Variants in MIS18A observed in about 807,000 individuals in gnomAD.
The protein encoded by MIS18A is protein Mis18-alpha.
MIS18A carries 14 observed loss-of-function variants against 25.0 expected under a neutral mutation model. The observed-to-expected ratio is 0.56, with a 90% CI of 0.37 to 0.88. The LOEUF is 0.88. MIS18A is among the 40% of genes least tolerant of loss of function. The probability of loss-of-function intolerance (pLI) is 0.00; values close to 1 mark genes in which losing one functional copy is unlikely to be tolerated. For synonymous variants in MIS18A, 134 were observed against 118.6 expected (o/e 1.13, Z -0.84); for missense variants, 292 against 290.8 (o/e 1.00, Z -0.03).
chr21:32,233,998 G>C, the MIS18A span, among the ~76,000 whole-genome samples: 80 of 152,296 alleles, frequency 5.3e-4, no homozygotes, highest in African/African-American at 1.8e-3. Context: ...ATGTAATGCA[G>C]TGCCCTGGAT....
At chr21:32,168,489 C>G in the MIS18A span, among the ~76,000 whole-genome samples, 4 of 152,040 alleles carry the variant, frequency 2.6e-5, no homozygotes, top group African/African-American at 9.7e-5. Context: ...TTAAAGGGAA[C>G]AGGAATGGTA....
At chr21:32,266,740 G>A (rs1272011397), downstream of MIS18A, among the ~76,000 whole-genome samples, 2 of 151,936 alleles carry the variant, frequency 1.3e-5, no homozygotes, top group African/African-American at 2.4e-5. Context: ...CTTAAGAGCT[G>A]TAACACTCAC....
At chr21:32,239,918 G>C in the MIS18A span, among the ~76,000 whole-genome samples, 1 of 152,354 alleles carries the variant, frequency 6.6e-6, no homozygotes, top group South Asian at 2.1e-4. Flanking sequence ...TTGACTGAAA[G>C]GGGCTGCTGG....
At chr21:32,157,223 A>ATTTTTTT in the MIS18A span, among the ~76,000 whole-genome samples, 3 of 72,322 alleles carry the variant, frequency 4.1e-5, no homozygotes, top group African/African-American at 6.8e-5. Context: ...TACCCGGCTA[A>ATTTTTTT]TTTTTTTTTT....
At chr21:32,258,959 G>A in the MIS18A span, among the ~76,000 whole-genome samples, 1 of 151,680 alleles carries the variant, frequency 6.6e-6, no homozygotes, top group Non-Finnish European at 1.5e-5. Flanking sequence ...CTGCAGCCTC[G>A]ACCTCCCAGG....
chr21:32,240,352 C>G, the MIS18A span, among the ~76,000 whole-genome samples: 1 of 152,352 alleles, frequency 6.6e-6, no homozygotes, highest in South Asian at 2.1e-4. Flanking sequence ...GTTGTCCCTT[C>G]CGCCACATGA....
At chr21:32,228,961 CATTTTT>C in the MIS18A span, among the ~76,000 whole-genome samples, 1 of 152,096 alleles carries the variant, frequency 6.6e-6, no homozygotes, top group Non-Finnish European at 1.5e-5. Flanking sequence ...TTCTAGTTTT[CATTTTT>C]AAGTATTTAA....
chr21:32,215,939 G>C, the MIS18A span, among the ~76,000 whole-genome samples: 1 of 152,016 alleles, frequency 6.6e-6, no homozygotes, highest in South Asian at 2.1e-4. Context: ...ATAACAAAAA[G>C]GTCTAACATT....
Position 32,270,285 on chromosome 21 carries a change from T to C in MIS18A, c.524+122A>G, listed in dbSNP as rs1851819658. On this transcript the variant is annotated intron_variant, in intron 3 of 4. Transcript: ENST00000290130. ...AGCAAAAAAAAAAAAAATTACTGGC[T>C]TGTTAGAAATCATTACTTGAAAATA... 8 of 1,180,264 alleles carry C rather than the reference T, an allele frequency of 6.8e-6. No homozygotes were observed. In the South Asian group the frequency reaches 1.4e-4, roughly 20 times the overall value. The allele number at this position is 1,180,264 out of a possible 1,614,324, so 73.1% of individuals were successfully genotyped here.
At chr21:32,272,924 G>A (rs1478723172) in intron 2 of MIS18A, among the ~76,000 whole-genome samples, 1 of 152,094 alleles carries the variant, frequency 6.6e-6, no homozygotes, top group African/African-American at 2.4e-5. Flanking sequence ...AGCTCTTACT[G>A]CTAATTAGTC....
chr21:32,205,297 G>C, the MIS18A span, among the ~76,000 whole-genome samples: 1 of 151,648 alleles, frequency 6.6e-6, no homozygotes, highest in Non-Finnish European at 1.5e-5. Context: ...GTAGAGACGG[G>C]GTTTCACCGT....
the MIS18A span, among the ~76,000 whole-genome samples, chr21:32,252,828 C>T: frequency 1.3e-5 from 2 of 152,092 alleles, no homozygotes; most frequent in East Asian, 1.9e-4. Flanking sequence ...AGAATACAAA[C>T]GATTTTGTTT....
the MIS18A span, among the ~76,000 whole-genome samples, chr21:32,175,399 A>C: frequency 2.0e-5 from 3 of 152,190 alleles, no homozygotes; most frequent in Admixed American, 2.0e-4. Flanking sequence ...AAATTTATAA[A>C]AATATATTTT....
At chr21:32,207,728 T>C in the MIS18A span, among the ~76,000 whole-genome samples, 4 of 152,144 alleles carry the variant, frequency 2.6e-5, no homozygotes, top group African/African-American at 7.2e-5. Flanking sequence ...AAAGGTCTTG[T>C]TGAAACTTTA....
the MIS18A span, chr21:32,260,770 T>G: frequency 6.6e-6 from 1 of 152,350 alleles, no homozygotes; most frequent in South Asian, 2.1e-4. Context: ...CCCAGCACTT[T>G]GGGAGGCCAA....
chr21:32,275,971 C>T (rs73901370), intron 1 of MIS18A, among the ~76,000 whole-genome samples: 2 of 152,046 alleles, frequency 1.3e-5, no homozygotes, highest in African/African-American at 4.8e-5. Context: ...ACATTACTCC[C>T]CTGCCTAAGC....
chr21:32,265,861 C>G (rs1394710903), downstream of MIS18A, among the ~76,000 whole-genome samples: 1 of 152,212 alleles, frequency 6.6e-6, no homozygotes, highest in Non-Finnish European at 1.5e-5. Context: ...CCAATCAGCA[C>G]CCTGTGTTTA....
chr21:32,227,365 A>G, the MIS18A span, among the ~76,000 whole-genome samples: 1 of 152,042 alleles, frequency 6.6e-6, no homozygotes, highest in African/African-American at 2.4e-5. Context: ...ATTAGAAATG[A>G]TATAGGGAAT....
chr21:32,210,743 G>C, the MIS18A span, among the ~76,000 whole-genome samples: 65 of 152,276 alleles, frequency 4.3e-4, no homozygotes, highest in African/African-American at 1.5e-3. Context: ...CCCACTCATT[G>C]TTAATAGAGG....
Sources: allele counts gnomAD v4.1 joint callset (sites outside exome capture counted in the v4.1 genomes callset), GRCh38; gene constraint gnomAD v4.1.1; transcripts MANE v1.5; gene names NCBI Gene and HGNC (gene_info 2026-07-23, HGNC 2026-07-21).